Variants in XRN1 observed in about 807,000 individuals in gnomAD.
XRN1 encodes strand-exchange protein 1 homolog.
XRN1 carries 67 observed loss-of-function variants against 222.3 expected under a neutral mutation model. The ratio of observed to expected loss-of-function variants is 0.30; its 90% CI spans 0.25 to 0.37. XRN1 has a LOEUF of 0.37. Ranked by LOEUF, XRN1 falls within the 10% of genes least tolerant of loss-of-function variation. The probability of loss-of-function intolerance (pLI) is 1.00; values close to 1 mark genes in which losing one functional copy is unlikely to be tolerated. For synonymous variants in XRN1, 643 were observed against 652.4 expected (o/e 0.99, Z 0.22); for missense variants, 1,707 against 2,000.2 (o/e 0.85, Z 2.80).
intron 23 of XRN1, among the ~76,000 whole-genome samples, chr3:142,378,277 G>A (rs968510748): frequency 6.6e-6 from 1 of 152,174 alleles, no homozygotes; most frequent in Admixed American, 6.5e-5. Flanking sequence ...ATATTCTTGA[G>A]GGTTGAGACT....
rs558711631 is a variant in XRN1 at position 142,383,016 on chromosome 3, A to G, written c.2616+284T>C. Among the ~76,000 whole-genome samples, 279 of 146,800 alleles carry G rather than the reference A, an allele frequency of 1.9e-3. 1 individual carries two copies. The highest frequency in any genetic ancestry group is 6.6e-3 in the African/African-American group (255 of 38,644). On this transcript the variant is annotated intron_variant, in intron 22 of 40. Coordinates refer to ENST00000392981, the MANE Select transcript of XRN1 (RefSeq NM_001282857.2). ...TCTAAAATAGTTACAAAATCGTTTC[A>G]TCCATACCACTACAATAAACAAAAC...
chr3:142,391,940 C>T (rs1404437033), intron 20 of XRN1, among the ~76,000 whole-genome samples: 3 of 151,778 alleles, frequency 2.0e-5, no homozygotes, highest in Admixed American at 6.6e-5. Context: ...GAGCTGTTCT[C>T]CAAATTATCC....
chr3:142,378,923 G>T (rs1378426373), intron 23 of XRN1, among the ~76,000 whole-genome samples: 1 of 152,098 alleles, frequency 6.6e-6, no homozygotes, highest in Non-Finnish European at 1.5e-5. Flanking sequence ...AATGGCACAG[G>T]ATTTATCAAC....
chr3:142,442,684 A>G (rs528172405), intron 1 of XRN1, among the ~76,000 whole-genome samples: 6 of 152,336 alleles, frequency 3.9e-5, no homozygotes, highest in Admixed American at 3.3e-4. Context: ...AAAGTGTGCC[A>G]AAGAAATAAT....
intron 20 of XRN1, among the ~76,000 whole-genome samples, chr3:142,389,072 C>T (rs932644303): frequency 1.3e-5 from 2 of 152,180 alleles, no homozygotes; most frequent in African/African-American, 2.4e-5. Context: ...AAATTAGCTG[C>T]GTATGGTGGC....
intron 8 of XRN1, among the ~76,000 whole-genome samples, chr3:142,422,331 T>G (rs1392535268): frequency 6.6e-6 from 1 of 151,810 alleles, no homozygotes; most frequent in Non-Finnish European, 1.5e-5. Context: ...TCTCAAAAAA[T>G]AAATAAATAA....
chr3:142,313,607 T>C (rs1416012192), intron 39 of XRN1, among the ~76,000 whole-genome samples: 3 of 152,228 alleles, frequency 2.0e-5, no homozygotes, highest in Non-Finnish European at 4.4e-5. Context: ...ACAGTATAGC[T>C]TAATTAAAGT....
intron 27 of XRN1, among the ~76,000 whole-genome samples, chr3:142,367,598 T>G (rs2066858820): frequency 6.6e-6 from 1 of 152,034 alleles, no homozygotes; most frequent in African/African-American, 2.4e-5. Flanking sequence ...CAGGCCAGAG[T>G]GCAGTAACGT....
rs144972668 is a variant in XRN1, at chr3:142,395,702, G to A, written c.2339+1627C>T. ...CTTGCTAAATCTCTTCAAAATATAC[G>A]GTGTGGTTTATTACCTTGTTCTTGA... On this transcript the variant is annotated intron_variant, in intron 20 of 40. Transcript: ENST00000392981. Among the ~76,000 whole-genome samples the A allele has an allele frequency of 3.2e-4, 49 of 152,196 alleles. No individual in the cohort carries two copies. The South Asian group carries it at 6.7e-3, about 21-fold the overall frequency.
chr3:142,343,383 G>C (rs551355405), intron 33 of XRN1, among the ~76,000 whole-genome samples: 25 of 152,034 alleles, frequency 1.6e-4, no homozygotes, highest in African/African-American at 5.5e-4. Flanking sequence ...GAACCAGTGA[G>C]GCGAAGATTT....
intron 37 of XRN1, among the ~76,000 whole-genome samples, chr3:142,325,569 A>G (rs889351700): frequency 1.3e-5 from 2 of 152,038 alleles, no homozygotes; most frequent in African/African-American, 4.8e-5. Flanking sequence ...CTGGCTATTA[A>G]TATCTTGTCA....
chr3:142,401,292 A>C (rs2068119148), intron 18 of XRN1, among the ~76,000 whole-genome samples: 1 of 152,256 alleles, frequency 6.6e-6, no homozygotes, highest in African/African-American at 2.4e-5. Flanking sequence ...TTTATGAGGA[A>C]AAGGAATAAC....
At position 142,316,247 on chromosome 3, in the gene XRN1, C is replaced by T. The variant is rs1174551250; in HGVS notation, c.4621+2345G>A. 8.0e-5 allele frequency among the ~76,000 whole-genome samples: 10 copies of T among 125,374 alleles called. No homozygotes were observed. In the Admixed American group the frequency reaches 8.0e-4, roughly 10 times the overall value. The allele number at this position is 125,374 out of a possible 152,430, so 82.3% of individuals were successfully genotyped here. A position where few individuals can be genotyped will look rare whatever the true frequency, so the allele number is the denominator to read the frequency against. On this transcript the variant is annotated intron_variant, in intron 39 of 40. Coordinates refer to ENST00000392981, the MANE Select transcript of XRN1 (RefSeq NM_001282857.2). ...TTTTTTTTTTTTTTGAGACAGGTCT[C>T]ATTCTGTCACCCAGGCTGGGGTGCA...
In XRN1 at chr3:142,399,797, AT is replaced by A. The variant is rs200412454; in HGVS notation, c.2207+646del. Among the ~76,000 whole-genome samples the A allele has an allele frequency of 1.1e-3, 158 of 138,778 alleles. 1 individual carries two copies. The highest frequency in any genetic ancestry group is 3.5e-3 in the African/African-American group (111 of 32,016). The allele number at this position is 138,778 out of a possible 152,430, so 91.0% of individuals were successfully genotyped here. A position where few individuals can be genotyped will look rare whatever the true frequency, so the allele number is the denominator to read the frequency against. ...TCCAAAATTCTAAACCTATGTGTAA[AT>A]TTAAAAAAAAAAAAAGACATTTCGG... On this transcript the variant is annotated intron_variant, in intron 19 of 40. Coordinates refer to ENST00000392981, the MANE Select transcript of XRN1 (RefSeq NM_001282857.2).
At chr3:142,331,201 C>G (rs1048959549) in intron 36 of XRN1, among the ~76,000 whole-genome samples, 3 of 152,160 alleles carry the variant, frequency 2.0e-5, no homozygotes, top group African/African-American at 7.2e-5. Flanking sequence ...CTGCCCACAT[C>G]CACTTTTGTA....
intron 1 of XRN1, among the ~76,000 whole-genome samples, chr3:142,440,390 C>T (rs539153211): frequency 2.0e-5 from 3 of 152,070 alleles, no homozygotes; most frequent in East Asian, 1.9e-4. Flanking sequence ...AAGGAACACC[C>T]GTTTGTTGTC....
At chr3:142,323,294 GTT>G (rs75425647) in intron 37 of XRN1, among the ~76,000 whole-genome samples, 1 of 137,058 alleles carries the variant, frequency 7.3e-6, no homozygotes, top group Non-Finnish European at 1.6e-5. Flanking sequence ...TTTTTTTTTT[GTT>G]TTTTTTTTTT....
intron 25 of XRN1, among the ~76,000 whole-genome samples, chr3:142,372,827 C>T (rs1161201223): frequency 6.6e-6 from 1 of 152,162 alleles, no homozygotes; most frequent in Admixed American, 6.5e-5. Flanking sequence ...CATTCATATC[C>T]ACTGTCAAGG....
chr3:142,442,408 G>T (rs1333812825), intron 1 of XRN1, among the ~76,000 whole-genome samples: 2 of 152,158 alleles, frequency 1.3e-5, no homozygotes, highest in African/African-American at 4.8e-5. Flanking sequence ...CCCCTAGTAT[G>T]GGGTAATCCC....
Sources: allele counts gnomAD v4.1 joint callset (sites outside exome capture counted in the v4.1 genomes callset), GRCh38; gene constraint gnomAD v4.1.1; transcripts MANE v1.5; gene names NCBI Gene and HGNC (gene_info 2026-07-23, HGNC 2026-07-21).